The following CNTLN variants were observed in gnomAD, a reference collection of about 807,000 sequenced individuals.
CNTLN encodes the protein centlein, centrosomal protein.
Under a neutral mutation model 180.0 loss-of-function variants are expected in CNTLN, and 212 were observed. The ratio of observed to expected loss-of-function variants is 1.18; its 90% CI spans 1.05 to 1.32. CNTLN has a LOEUF of 1.32. Among genes scored for constraint, CNTLN ranks in the 40% most tolerant of loss-of-function variants. The pLI, the probability that CNTLN is intolerant of heterozygous loss-of-function variation, is 0.00. For missense variants in CNTLN, 2,095 were observed against 1,610.9 expected, an observed-to-expected ratio of 1.30 and a Z score of -5.14; for synonymous variants, 722 against 563.1, an observed-to-expected ratio of 1.28 and a Z score of -3.99.
rs190409132 is a variant in CNTLN at position 17,224,817 on chromosome 9, A to T, written c.450-1386A>T. On this transcript the variant is annotated intron_variant, in intron 2 of 25. Coordinates refer to ENST00000380647, the MANE Select transcript of CNTLN (RefSeq NM_017738.4). ...GTAGTCTTTTTCATTATATTTGGTTATTTTTATTTTTTCTAGAGGATTGCA... is the reference window on the plus strand; with the variant it reads ...GTAGTCTTTTTCATTATATTTGGTTTTTTTTATTTTTTCTAGAGGATTGCA... Among the ~76,000 whole-genome samples the T allele has an allele frequency of 5.1e-3, 764 of 151,002 alleles. 4 individuals carry two copies. Among genetic ancestry groups the T allele is most frequent in the Admixed American group, 7.8e-3 (118 of 15,126 alleles).
the CNTLN span, among the ~76,000 whole-genome samples, chr9:17,512,977 C>T: frequency 6.6e-6 from 1 of 152,074 alleles, no homozygotes; most frequent in Non-Finnish European, 1.5e-5. Flanking sequence ...CCACTATGCC[C>T]AGCTAATTTT....
At position 17,309,130 on chromosome 9, in the gene CNTLN, A is replaced by G. The variant is rs1234916287; in HGVS notation, c.1219A>G (p.Asn407Asp). 2 of 1,610,230 alleles carry G rather than the reference A, an allele frequency of 1.2e-6. No individual in the cohort carries two copies. The highest frequency in any genetic ancestry group is 2.2e-5 in the South Asian group (2 of 90,356). Residue 407 changes from asparagine to aspartate, a missense_variant, in exon 8 of 26, where the codon AAT becomes GAT. Asn to Asp is a conservative substitution (Grantham distance 23). Transcript: ENST00000380647. ...AGCTATGCTCCGGCAAAGTGTTACT[A>G]ATCTTCAGGATCAGCTATTACAAAA... ...NEAMLRQSVT[N>D]LQDQLLQKEQ...
chr9:17,418,717 G>A (rs1014046172), intron 18 of CNTLN, among the ~76,000 whole-genome samples: 2 of 151,704 alleles, frequency 1.3e-5, no homozygotes, highest in African/African-American at 2.4e-5. Flanking sequence ...ATTGAATCAG[G>A]CATCAGTAGG....
In CNTLN at chr9:17,235,770, A is replaced by G; in HGVS notation, c.647A>G (p.Lys216Arg). 3 of 1,605,602 alleles carry G rather than the reference A, an allele frequency of 1.9e-6. No homozygotes were observed. The highest frequency in any genetic ancestry group is 2.5e-6 in the Non-Finnish European group (3 of 1,177,682). ...TTCAGTGACTTGGAGAAGAAATTTAAAGATAAAAGTCAAGAAATTAAGGTG... is the reference window on the plus strand; with the variant it reads ...TTCAGTGACTTGGAGAAGAAATTTAGAGATAAAAGTCAAGAAATTAAGGTG... ...KEFSDLEKKF[K>R]DKSQEIKDTK... Residue 216 changes from lysine (K) to arginine (R), a missense_variant, in exon 4 of 26, where the codon AAA (lysine) becomes AGA (arginine). Physicochemically the swap from Lys to Arg is conservative, Grantham distance 26. Coordinates refer to ENST00000380647, the MANE Select transcript of CNTLN (RefSeq NM_017738.4).
intron 18 of CNTLN, among the ~76,000 whole-genome samples, chr9:17,455,354 T>C (rs1831052383): frequency 6.6e-6 from 1 of 152,234 alleles, no homozygotes; most frequent in African/African-American, 2.4e-5. Context: ...AAAGTACAAG[T>C]CATTTAGTTT....
chr9:17,230,451 T>A (rs1346877127), intron 3 of CNTLN, among the ~76,000 whole-genome samples: 1 of 152,014 alleles, frequency 6.6e-6, no homozygotes, highest in Non-Finnish European at 1.5e-5. Context: ...CATGGTGAGC[T>A]GTGCTTCTGG....
intron 25 of CNTLN, among the ~76,000 whole-genome samples, chr9:17,502,067 T>C (rs1017151819): frequency 2.6e-5 from 4 of 151,320 alleles, no homozygotes; most frequent in Non-Finnish European, 5.9e-5. Context: ...TCAATGGGTA[T>C]ACTTTTGCGA....
chr9:17,247,625 GA>G (rs1487180701), intron 5 of CNTLN, among the ~76,000 whole-genome samples: 1 of 152,168 alleles, frequency 6.6e-6, no homozygotes. Flanking sequence ...TGGTTCTTAA[GA>G]AGGTACTTTT....
At chr9:17,329,159 C>T (rs936073267) in intron 8 of CNTLN, among the ~76,000 whole-genome samples, 4 of 151,754 alleles carry the variant, frequency 2.6e-5, no homozygotes, top group Non-Finnish European at 5.9e-5. Flanking sequence ...TTTTGTTTGA[C>T]CTTAAACAAA....
chr9:17,236,049 C>T (rs1352777992), intron 4 of CNTLN, among the ~76,000 whole-genome samples: 1 of 152,144 alleles, frequency 6.6e-6, no homozygotes, highest in Non-Finnish European at 1.5e-5. Context: ...TATGTGGCTT[C>T]TTGTAATTAG....
At chr9:17,326,852 C>T (rs1401155442) in intron 8 of CNTLN, among the ~76,000 whole-genome samples, 1 of 151,874 alleles carries the variant, frequency 6.6e-6, no homozygotes, top group African/African-American at 2.4e-5. Flanking sequence ...TCATGAAAGA[C>T]AAGGAAGGTC....
chr9:17,367,206 CT>C (rs764462806), intron 13 of CNTLN, among the ~76,000 whole-genome samples: 12 of 152,172 alleles, frequency 7.9e-5, no homozygotes, highest in Non-Finnish European at 1.8e-4. Flanking sequence ...AATGCAGTGA[CT>C]GTTGGACTTT....
intron 6 of CNTLN, among the ~76,000 whole-genome samples, chr9:17,274,624 T>G (rs1828192486): frequency 6.6e-6 from 1 of 152,056 alleles, no homozygotes; most frequent in African/African-American, 2.4e-5. Context: ...ATCGAAGATA[T>G]GCTTCTAGAG....
chr9:17,513,565 C>G, the CNTLN span, among the ~76,000 whole-genome samples: 1 of 152,050 alleles, frequency 6.6e-6, no homozygotes, highest in East Asian at 1.9e-4. Context: ...GGTGTGGTGG[C>G]ATGCACCTGT....
At chr9:17,159,135 C>T (rs557368116) in intron 2 of CNTLN, among the ~76,000 whole-genome samples, 3 of 152,054 alleles carry the variant, frequency 2.0e-5, no homozygotes, top group Non-Finnish European at 4.4e-5. Flanking sequence ...TCTCAGTTTT[C>T]CAATTTTGAT....
intron 2 of CNTLN, among the ~76,000 whole-genome samples, chr9:17,223,632 A>C (rs1225884573): frequency 6.6e-6 from 1 of 151,942 alleles, no homozygotes; most frequent in Non-Finnish European, 1.5e-5. Context: ...TATCATGTAC[A>C]ATTCACCTTT....
At chr9:17,167,393 C>CA in intron 2 of CNTLN, 1 of 144,812 alleles carries the variant, frequency 6.9e-6, no homozygotes, top group Non-Finnish European at 1.5e-5. Context: ...GAAAAGCTGT[C>CA]TATACTGATT....
intron 5 of CNTLN, among the ~76,000 whole-genome samples, chr9:17,252,636 C>T (rs1413024492): frequency 6.6e-6 from 1 of 151,702 alleles, no homozygotes; most frequent in African/African-American, 2.4e-5. Context: ...AGTTACTAGT[C>T]CCCTGTTGAC....
chr9:17,420,508 G>C (rs1359419448), intron 18 of CNTLN, among the ~76,000 whole-genome samples: 1 of 151,474 alleles, frequency 6.6e-6, no homozygotes, highest in Non-Finnish European at 1.5e-5. Context: ...CCAACTTTTT[G>C]TTTTATTGAT....
Sources: gnomAD v4.1 joint callset for allele counts (sites outside exome capture counted in the v4.1 genomes callset) on GRCh38, gnomAD v4.1.1 for gene constraint, MANE v1.5 for transcripts, NCBI Gene and HGNC (gene_info 2026-07-23, HGNC 2026-07-21) for gene names.